The following MED23 variants were observed in gnomAD, a reference collection of about 807,000 sequenced individuals.
The protein encoded by MED23 is mediator complex subunit 23.
Under a neutral mutation model 163.9 loss-of-function variants are expected in MED23, and 105 were observed. The ratio of observed to expected loss-of-function variants is 0.64; its 90% CI spans 0.55 to 0.75. The LOEUF (loss-of-function observed/expected upper bound fraction) is 0.75. Ranked by LOEUF, MED23 falls within the 30% of genes least tolerant of loss-of-function variation. The probability of loss-of-function intolerance (pLI) is 0.00; values close to 1 mark genes in which losing one functional copy is unlikely to be tolerated. For missense variants in MED23, 1,054 were observed against 1,649.0 expected (o/e 0.64, Z 6.25); for synonymous variants, 561 against 565.6 (o/e 0.99, Z 0.12).
chr6:131,620,802 T>A lies in MED23; in HGVS notation c.496-73A>T, dbSNP rs564302589. The A allele has an allele frequency of 5.6e-6, 5 of 886,102 alleles. No homozygotes were observed. The South Asian group carries it at 8.5e-5, about 15-fold the overall frequency. 54.9% of individuals were successfully genotyped at this position (886,102 alleles called of 1,614,324 possible). On this transcript the variant is annotated intron_variant, in intron 6 of 28. Coordinates refer to ENST00000368068, the MANE Select transcript of MED23 (RefSeq NM_004830.4). ...AAGCCCTTTATTTTATTTATTATCA[T>A]TATTTTTTTTTTTTTTTGAGACAGG...
At chr6:131,623,739 T>C (rs1379669198) in intron 4 of MED23, among the ~76,000 whole-genome samples, 1 of 152,174 alleles carries the variant, frequency 6.6e-6, no homozygotes, top group Non-Finnish European at 1.5e-5. Context: ...CACCCTGTGA[T>C]GAGGTGCCTT....
chr6:131,585,532 C>T (rs1353788775), downstream of MED23, among the ~76,000 whole-genome samples: 2 of 152,060 alleles, frequency 1.3e-5, no homozygotes, highest in Non-Finnish European at 2.9e-5. Context: ...AATACAGTAG[C>T]CACATGTGGT....
rs1777374505 is a variant in MED23, at chr6:131,624,933, A to T, written c.216T>A (p.Ser72Arg). The change falls in exon 4 of 29, where the codon AGT (serine) becomes AGA (arginine). Residue 72 changes from serine to arginine, a missense_variant. Physicochemically the swap from Ser to Arg is moderately radical, Grantham distance 110. Around this residue, in one of 11 missense-constraint regions of MED23, gnomAD observed 227 missense variants for 235.5 expected, o/e 0.96. Transcript: ENST00000368068. ...CATAAAGAAAAGAAATTCTTTTAGG[A>T]CTATGCTGACCATGAATAAACTTAA... is the stretch of plus-strand genomic sequence containing the variant. Reference protein sequence around the residue: ...WIVKFIHGQHSPKRISFLYDC... With the variant: ...WIVKFIHGQHRPKRISFLYDC... The T allele has an allele frequency of 1.2e-6, 2 of 1,613,676 alleles. No individual in the cohort carries two copies. The highest frequency in any genetic ancestry group is 1.7e-6 in the Non-Finnish European group (2 of 1,179,830).
chr6:131,602,782 C>T (rs968443182), intron 16 of MED23, among the ~76,000 whole-genome samples: 45 of 152,086 alleles, frequency 3.0e-4, no homozygotes, highest in African/African-American at 1.1e-3. Context: ...ATAATAAATA[C>T]CCTGGAAGTA....
At chr6:131,586,177 G>A (rs921927120), downstream of MED23, among the ~76,000 whole-genome samples, 23 of 152,056 alleles carry the variant, frequency 1.5e-4, no homozygotes, top group Admixed American at 9.8e-4. Context: ...GGGGGATCAC[G>A]AGGTCAGGAG....
At chr6:131,594,989 A>T (rs1172509220) in intron 22 of MED23, among the ~76,000 whole-genome samples, 1 of 152,192 alleles carries the variant, frequency 6.6e-6, no homozygotes, top group African/African-American at 2.4e-5. Context: ...CTAATCCAAA[A>T]GAAAAATGTT....
At chr6:131,596,239 ATTG>A in intron 21 of MED23, 76 bp from the exon 22 acceptor site, 2 of 1,304,294 alleles carry the variant, frequency 1.5e-6, no homozygotes, top group Non-Finnish European at 2.2e-6. Flanking sequence ...ATGTGAAAAC[ATTG>A]TTTAGATTTT....
chr6:131,582,748 T>C, downstream of MED23: 2 of 1,594,368 alleles, frequency 1.3e-6, no homozygotes, highest in Non-Finnish European at 1.7e-6. Flanking sequence ...TTTGCCTCCA[T>C]TTTTGTCCCT....
chr6:131,603,494 T>G (rs1028688564), intron 15 of MED23, among the ~76,000 whole-genome samples: 4 of 151,972 alleles, frequency 2.6e-5, no homozygotes, highest in Admixed American at 1.3e-4. Context: ...ATCTTCTCAA[T>G]TCTGATATCT....
intron 28 of MED23, among the ~76,000 whole-genome samples, chr6:131,588,608 G>T (rs1774348014): frequency 6.6e-6 from 1 of 152,150 alleles, no homozygotes; most frequent in Non-Finnish European, 1.5e-5. Flanking sequence ...GAGAGAACAG[G>T]TCAACTCTCT....
rs182631450 is a variant in MED23, at chr6:131,607,242, T to C, written c.1222-618A>G. On this transcript the variant is annotated intron_variant, in intron 12 of 28. Transcript: ENST00000368068. ...GCATGGTGGGGTTACAGCTAGTGCA[T>C]GGTGGGGTTACAGTAACCCCATCAT... Among the ~76,000 whole-genome samples, 70 of 151,534 alleles carry C rather than the reference T, an allele frequency of 4.6e-4. 2 individuals are homozygous for C. Among genetic ancestry groups the C allele is most frequent in the African/African-American group, 1.6e-3 (68 of 41,392 alleles).
At chr6:131,612,671 T>C (rs746886407) in intron 10 of MED23, among the ~76,000 whole-genome samples, 4 of 152,120 alleles carry the variant, frequency 2.6e-5, no homozygotes, top group Non-Finnish European at 5.9e-5. Context: ...CATTCAATAT[T>C]TTAACAATTC....
downstream of MED23, chr6:131,582,808 C>T (rs1774001506): frequency 3.9e-6 from 4 of 1,031,776 alleles, no homozygotes; most frequent in Non-Finnish European, 6.1e-6. Flanking sequence ...GAAAATTAAA[C>T]ATCAAGACAC....
At chr6:131,625,730 G>A (rs1241631146) in intron 3 of MED23, among the ~76,000 whole-genome samples, 1 of 151,974 alleles carries the variant, frequency 6.6e-6, no homozygotes. Context: ...CAACATCACT[G>A]AGAGAAATGC....
chr6:131,608,095 A>T, intron 11 of MED23, 24 bp from the exon 12 acceptor site: 1 of 1,612,536 alleles, frequency 6.2e-7, no homozygotes, highest in South Asian at 1.1e-5. Flanking sequence ...TTAAATACAC[A>T]TGTATACACT....
rs917020235 is a variant in MED23, at chr6:131,615,503, C to CAAAAAAA, written c.876+397_876+403dup. On this transcript the variant is annotated intron_variant, in intron 10 of 28. Transcript: ENST00000368068. ...CCACCAAAAACAAGCAAACACACAC[C>CAAAAAAA]AAAAAAAAAAAAAAAAAAAAAAAAA... Among the ~76,000 whole-genome samples, 58 of 14,158 alleles carry CAAAAAAA rather than the reference C, an allele frequency of 4.1e-3. 11 individuals are homozygous for CAAAAAAA. The highest frequency in any genetic ancestry group is 0.013 in the East Asian group (5 of 392). 9.3% of individuals were successfully genotyped at this position (14,158 alleles called of 152,430 possible).
chr6:131,579,430 G>C (rs554516926), intron 30 of MED23: 3 of 863,788 alleles, frequency 3.5e-6, no homozygotes, highest in East Asian at 2.8e-5. Context: ...AAATTTTATA[G>C]GTTACTTTTA....
downstream of MED23, among the ~76,000 whole-genome samples, chr6:131,586,392 T>A (rs1774182875): frequency 7.0e-6 from 1 of 143,692 alleles, no homozygotes; most frequent in Non-Finnish European, 1.5e-5. Context: ...AGTACGAGAC[T>A]CCGTCTCAAA....
At chr6:131,596,347 T>C in intron 21 of MED23, 171 bp downstream of exon 21, 1 of 896,142 alleles carries the variant, frequency 1.1e-6, no homozygotes, top group Non-Finnish European at 1.7e-6. Context: ...TTCAATTTAT[T>C]CTCAACATTA....
Sources: allele counts gnomAD v4.1 joint callset (sites outside exome capture counted in the v4.1 genomes callset), GRCh38; gene constraint gnomAD v4.1.1; regional missense constraint gnomAD v4.1.1; transcripts MANE v1.5; gene names NCBI Gene and HGNC (gene_info 2026-07-23, HGNC 2026-07-21).